ZNF592: variants seen among roughly 807,000 people sequenced by gnomAD.
ZNF592 encodes spinocerebellar ataxia, autosomal recessive 5.
In ZNF592, 11 loss-of-function variants were observed where a neutral mutation model predicts 80.3. The observed-to-expected ratio is 0.14, with a 90% confidence interval of 0.09 to 0.23. The LOEUF (loss-of-function observed/expected upper bound fraction) is 0.23, where lower values mean the gene tolerates loss of function less well. ZNF592 is among the 10% of genes least tolerant of loss of function. The pLI is 1.00. For missense variants in ZNF592, 1,420 were observed against 1,633.9 expected, an observed-to-expected ratio of 0.87 and a Z score of 2.26; for synonymous variants, 646 against 640.3, an observed-to-expected ratio of 1.01 and a Z score of -0.13.
chr15:84,798,402 G>A lies in ZNF592; in HGVS notation c.2664G>A (p.Gln888=). Residue 888 remains glutamine (Q), a synonymous_variant, in exon 7 of 11, where the codon CAG becomes CAA. Transcript: ENST00000560079. The surrounding 1 kb of genome is among the most constrained non-coding windows in gnomAD (Gnocchi z 4.5). ...TTTACCAGAATGTCAGCAAGACGCA[G>A]GTGGGCGTCTTCAAGTGCCCTGAGT... The part of the protein sequence containing the change: ...QHFYQNVSKT[Q]VGVFKCPECP... The A allele has an allele frequency of 6.2e-7, 1 of 1,614,210 alleles. No individual in the cohort carries two copies. Among genetic ancestry groups the A allele is most frequent in the South Asian group, 1.1e-5 (1 of 91,090 alleles).
At chr15:84,758,856 G>A (rs1484241509) in intron 1 of ZNF592, among the ~76,000 whole-genome samples, 2 of 151,990 alleles carry the variant, frequency 1.3e-5, no homozygotes, top group East Asian at 3.9e-4. Context: ...AGGCTGGGAA[G>A]TCTAGGATGT....
At chr15:84,769,276 A>G (rs1451036731) in intron 2 of ZNF592, among the ~76,000 whole-genome samples, 1 of 152,130 alleles carries the variant, frequency 6.6e-6, no homozygotes, top group Non-Finnish European at 1.5e-5. Context: ...ACCTTCCTGT[A>G]AACACACTGG....
chr15:84,783,303 C>T lies in ZNF592; in HGVS notation c.628C>T (p.Leu210=). The T allele has an allele frequency of 6.2e-7, 1 of 1,614,252 alleles. No homozygotes were observed. The highest frequency in any genetic ancestry group is 8.5e-7 in the Non-Finnish European group (1 of 1,180,044). The change falls in exon 4 of 11, where the codon CTG becomes TTG. Residue 210 remains leucine, a synonymous_variant. Transcript: ENST00000560079. This position sits in a 1 kb window ranked among gnomAD's most constrained non-coding sequence, Gnocchi z 5.0. ...TAAGAAAGAACCCAAGCCAGAACCCCTGCCCTTGGGGAGCCAGCAGGAACA... is the reference window on the plus strand; with the variant it reads ...TAAGAAAGAACCCAAGCCAGAACCCTTGCCCTTGGGGAGCCAGCAGGAACA... ...FCKKEPKPEP[L]PLGSQQEHEQ...
At chr15:84,801,269 G>A (rs1963088267) in intron 10 of ZNF592, among the ~76,000 whole-genome samples, 2 of 152,186 alleles carry the variant, frequency 1.3e-5, no homozygotes, top group Admixed American at 6.5e-5. Flanking sequence ...ACTGCAGTGA[G>A]CTGTGATCAC....
At chr15:84,782,257 A>G (rs772641854) in intron 3 of ZNF592, among the ~76,000 whole-genome samples, 5 of 152,224 alleles carry the variant, frequency 3.3e-5, no homozygotes, top group Non-Finnish European at 5.9e-5. Context: ...GGTTTCATGT[A>G]TTAATCAGTA....
Position 84,799,511 on chromosome 15 carries a change from C to T in ZNF592, c.3137+301C>T, listed in dbSNP as rs1567078392. Among the ~76,000 whole-genome samples the T allele has an allele frequency of 6.6e-6, 1 of 152,166 alleles. No individual in the cohort carries two copies. The highest frequency in any genetic ancestry group is 1.5e-5 in the Non-Finnish European group (1 of 68,018). The stretch of plus-strand genomic sequence containing the variant: ...TGATGTGAGCATGCACCCCTGGGGC[C>T]GAGAGGCTTCTGCACCATCTGCCTG... On this transcript the variant is annotated intron_variant, in intron 9 of 10. Coordinates refer to ENST00000560079, the MANE Select transcript of ZNF592 (RefSeq NM_014630.3). This position sits in a 1 kb window ranked among gnomAD's most constrained non-coding sequence, Gnocchi z 4.2.
intron 2 of ZNF592, among the ~76,000 whole-genome samples, chr15:84,767,853 CTTTT>C (rs139211884): frequency 6.6e-6 from 1 of 150,752 alleles, no homozygotes; most frequent in South Asian, 2.1e-4. Flanking sequence ...CTTGTATTTT[CTTTT>C]TTTTTATTTG....
intron 2 of ZNF592, among the ~76,000 whole-genome samples, chr15:84,767,151 C>T (rs962435858): frequency 2.0e-5 from 3 of 152,096 alleles, no homozygotes; most frequent in Non-Finnish European, 4.4e-5. Flanking sequence ...TACACCACCA[C>T]ACCCGGTTAA....
At position 84,799,016 on chromosome 15, in the gene ZNF592, G is replaced by A; in HGVS notation, c.3025-82G>A. 2 of 1,594,384 alleles carry A rather than the reference G, an allele frequency of 1.3e-6. No individual in the cohort carries two copies. Among genetic ancestry groups the A allele is most frequent in the Non-Finnish European group, 1.7e-6 (2 of 1,162,538 alleles). On this transcript the variant is annotated intron_variant, in intron 8 of 10. Transcript: ENST00000560079. The surrounding 1 kb of genome is among the most constrained non-coding windows in gnomAD (Gnocchi z 4.2). ...GGTCTTCGGGAGTATCCTCCTTTCT[G>A]CCCATGGCATCTGAGAAGAAAAATG... is the stretch of plus-strand genomic sequence containing the variant.
Position 84,790,763 on chromosome 15 carries a change from G to T in ZNF592, c.2279G>T (p.Arg760Leu). ...PNQCSFCAHQ[R>L]IHAHKSPYCC... ...CAGTGCAGTTTCTGTGCCCACCAGCGGATTCATGCACACAAGTCCCCCTAC... is the reference window on the plus strand; with the variant it reads ...CAGTGCAGTTTCTGTGCCCACCAGCTGATTCATGCACACAAGTCCCCCTAC... Residue 760 changes from arginine to leucine, a missense_variant, in exon 5 of 11, where the codon CGG becomes CTG. Transcript: ENST00000560079. 6.2e-7 allele frequency: 1 copy of T among 1,614,168 alleles called. No homozygotes were observed. The highest frequency in any genetic ancestry group is 8.5e-7 in the Non-Finnish European group (1 of 1,180,030).
In ZNF592 at chr15:84,756,058, C is replaced by T. The variant is rs556376456; in HGVS notation, c.-259+7394C>T. ...GCTGACTCCTATGGACCATTGGGCT[C>T]AGTCTCTCACACAACAGCATGGGGA... On this transcript the variant is annotated intron_variant, in intron 1 of 10. Coordinates refer to ENST00000560079, the MANE Select transcript of ZNF592 (RefSeq NM_014630.3). 9.2e-5 allele frequency among the ~76,000 whole-genome samples: 14 copies of T among 152,256 alleles called. No individual in the cohort carries two copies. The East Asian group carries it at 2.7e-3, about 29-fold the overall frequency.
chr15:84,790,582 A>T, intron 4 of ZNF592, 123 bp from the exon 5 acceptor site: 1 of 970,956 alleles, frequency 1.0e-6, no homozygotes, highest in Non-Finnish European at 1.6e-6. Flanking sequence ...GGAGAGTTGG[A>T]AGAGAGAGTG....
chr15:84,796,423 G>C (rs140425860), intron 5 of ZNF592, among the ~76,000 whole-genome samples: 346 of 151,200 alleles, frequency 2.3e-3, no homozygotes, highest in African/African-American at 7.8e-3. Flanking sequence ...AGACAGTATT[G>C]CAACAAAAGG....
intron 1 of ZNF592, among the ~76,000 whole-genome samples, chr15:84,750,207 G>A (rs1898975604): frequency 6.6e-6 from 1 of 152,200 alleles, no homozygotes; most frequent in Non-Finnish European, 1.5e-5. Context: ...GGAGGCTGAG[G>A]CACGATAATT....
intron 1 of ZNF592, among the ~76,000 whole-genome samples, chr15:84,756,320 G>A (rs1350259506): frequency 6.6e-6 from 1 of 152,220 alleles, no homozygotes; most frequent in Non-Finnish European, 1.5e-5. Context: ...CTCTGGCTCC[G>A]CTTTTATTCC....
At chr15:84,761,019 A>G (rs1899334754) in intron 1 of ZNF592, among the ~76,000 whole-genome samples, 1 of 151,948 alleles carries the variant, frequency 6.6e-6, no homozygotes, top group Non-Finnish European at 1.5e-5. Context: ...ATTGGGGTGC[A>G]ATGGCACAAT....
chr15:84,773,266 C>T (rs1444743716), intron 2 of ZNF592, among the ~76,000 whole-genome samples: 1 of 147,904 alleles, frequency 6.8e-6, no homozygotes, highest in Non-Finnish European at 1.5e-5. Context: ...GGCTGGAGTG[C>T]AGTGATGCGA....
At chr15:84,777,237 G>T (rs568836566) in intron 2 of ZNF592, among the ~76,000 whole-genome samples, 4 of 152,016 alleles carry the variant, frequency 2.6e-5, no homozygotes, top group African/African-American at 4.8e-5. Flanking sequence ...AGCACTTTGG[G>T]AGGCTGAGGT....
rs1962495103 is a variant in ZNF592, at chr15:84,783,760, C to T, written c.1085C>T (p.Pro362Leu). ...ICSDSSSKGS[P>L]SVAASSPPAI... ...AGTGACAGCAGCAGCAAAGGCTCAC[C>T]GTCTGTGGCTGCCAGCTCCCCACCA... Residue 362 changes from proline (P) to leucine (L), a missense_variant, in exon 4 of 11, where the codon CCG becomes CTG. Transcript: ENST00000560079. This position sits in a 1 kb window ranked among gnomAD's most constrained non-coding sequence, Gnocchi z 5.0. 7 of 1,614,078 alleles carry T rather than the reference C, an allele frequency of 4.3e-6. No homozygotes were observed. Among genetic ancestry groups the T allele is most frequent in the South Asian group, 1.1e-5 (1 of 91,094 alleles).
Sources: allele counts gnomAD v4.1 joint callset (sites outside exome capture counted in the v4.1 genomes callset), GRCh38; gene constraint gnomAD v4.1.1; non-coding constraint Gnocchi (gnomAD v3.1); transcripts MANE v1.5; gene names NCBI Gene and HGNC (gene_info 2026-07-23, HGNC 2026-07-21).